ANGEL2: variants seen among roughly 807,000 people sequenced by gnomAD.
The protein encoded by ANGEL2 is RNA 2',3'-cyclic phosphatase ANGEL2.
A neutral mutation model predicts 66.0 loss-of-function variants in ANGEL2; 41 were observed. The observed-to-expected ratio is 0.62, with a 90% confidence interval of 0.48 to 0.81. The LOEUF (loss-of-function observed/expected upper bound fraction) is 0.81, where lower values mean the gene tolerates loss of function less well. Ranked by LOEUF, ANGEL2 falls within the 30% of genes least tolerant of loss-of-function variation. The pLI, the probability that ANGEL2 is intolerant of heterozygous loss-of-function variation, is 0.00. For missense variants in ANGEL2, 561 were observed against 641.6 expected, an observed-to-expected ratio of 0.87 and a Z score of 1.36; for synonymous variants, 208 against 226.5, an observed-to-expected ratio of 0.92 and a Z score of 0.73.
chr1:213,014,975 C>T (rs1558195995), intron 1 of ANGEL2, among the ~76,000 whole-genome samples: 1 of 152,244 alleles, frequency 6.6e-6, no homozygotes, highest in Non-Finnish European at 1.5e-5. Flanking sequence ...ATCCAAGACT[C>T]TGCAGACACT....
chr1:213,005,836 C>T (rs1162158425), intron 4 of ANGEL2, among the ~76,000 whole-genome samples: 1 of 152,188 alleles, frequency 6.6e-6, no homozygotes, highest in Non-Finnish European at 1.5e-5. Context: ...CTTGCCTTAA[C>T]ACACTCCAAC....
intron 5 of ANGEL2, chr1:213,001,169 C>T (rs2076168265): frequency 4.9e-6 from 2 of 407,722 alleles, no homozygotes; most frequent in South Asian, 5.3e-5. Flanking sequence ...AATCATCTAT[C>T]GCTTTGAACT....
At chr1:213,007,015 G>T (rs1359852343) in intron 4 of ANGEL2, 114 bp downstream of exon 4, 2 of 947,000 alleles carry the variant, frequency 2.1e-6, no homozygotes, top group Non-Finnish European at 3.2e-6. Flanking sequence ...GATTACTTGA[G>T]CCCAGTAGGT....
In ANGEL2 at chr1:212,994,698, A is replaced by G. The variant is rs2075950936; in HGVS notation, c.*343T>C. ...CAAAGATACTTTGGATCCACTACAG[A>G]GCTTGCCAAAATTATGAAATGAAAT... is the stretch of plus-strand genomic sequence containing the variant. On this transcript the variant is annotated 3_prime_UTR_variant, in exon 9 of 9. Transcript: ENST00000366962. The G allele has an allele frequency of 6.3e-6, 1 of 158,260 alleles. No individual in the cohort carries two copies. Among genetic ancestry groups the G allele is most frequent in the African/African-American group, 2.4e-5 (1 of 41,678 alleles). 9.8% of individuals were successfully genotyped at this position (158,260 alleles called of 1,614,324 possible).
At chr1:213,001,525 G>C (rs1378054875) in intron 5 of ANGEL2, 1 of 152,256 alleles carries the variant, frequency 6.6e-6, no homozygotes, top group Admixed American at 6.5e-5. Flanking sequence ...TGGCTGATCA[G>C]GGTGATGGTT....
intron 1 of ANGEL2, among the ~76,000 whole-genome samples, chr1:213,014,683 C>A (rs569430909): frequency 1.3e-5 from 2 of 152,122 alleles, no homozygotes; most frequent in Non-Finnish European, 1.5e-5. Flanking sequence ...AGAACAGAAC[C>A]GTCTTATTCA....
chr1:213,004,609 C>T (rs888413503), intron 5 of ANGEL2, among the ~76,000 whole-genome samples: 1 of 151,988 alleles, frequency 6.6e-6, no homozygotes, highest in Non-Finnish European at 1.5e-5. Context: ...GTGGCTCACG[C>T]CTGTAATCCC....
At position 213,000,767 on chromosome 1, in the gene ANGEL2, A is replaced by G. The variant is rs1436070020; in HGVS notation, c.1261+19T>C. On this transcript the variant is annotated intron_variant, in intron 6 of 8. Transcript: ENST00000366962. ...CATGATTACCCAGCAGACTGCCAAA[A>G]TGTATTACAAACACTTACCTGTCTT... 1.7e-5 allele frequency: 27 copies of G among 1,590,242 alleles called. No individual in the cohort carries two copies. Among genetic ancestry groups the G allele is most frequent in the Non-Finnish European group, 2.2e-5 (26 of 1,174,856 alleles).
chr1:213,012,143 TA>T lies in ANGEL2; in HGVS notation c.385+949del, dbSNP rs201281286. Among the ~76,000 whole-genome samples the T allele has an allele frequency of 6.5e-3, 983 of 152,344 alleles. 9 individuals are homozygous for T. The highest frequency in any genetic ancestry group is 0.022 in the African/African-American group (935 of 41,576). On this transcript the variant is annotated intron_variant, in intron 2 of 8. Transcript: ENST00000366962. ...TTGATTGGGACCCAGCTGAAGCCTG[TA>T]GACTACTTTCTGATAACAAAACCAG...
chr1:213,009,786 C>T (rs1013826473), intron 2 of ANGEL2, among the ~76,000 whole-genome samples: 8 of 152,246 alleles, frequency 5.3e-5, no homozygotes, highest in African/African-American at 1.9e-4. Context: ...CACAGTGCCT[C>T]ATGCCTGTAA....
chr1:213,015,573 C>G (rs1337193782), intron 1 of ANGEL2, 40 bp downstream of exon 1: 1 of 1,609,316 alleles, frequency 6.2e-7, no homozygotes, highest in Non-Finnish European at 8.5e-7. Flanking sequence ...TCAGGCCGCC[C>G]GCCCCTCTCT....
intron 2 of ANGEL2, among the ~76,000 whole-genome samples, chr1:213,008,943 T>C (rs932943824): frequency 7.9e-5 from 12 of 152,352 alleles, no homozygotes; most frequent in Middle Eastern, 3.4e-3. Flanking sequence ...AAGCAACCCT[T>C]AGTTCAGAAT....
intron 7 of ANGEL2, among the ~76,000 whole-genome samples, chr1:212,999,832 A>G (rs1027124789): frequency 6.6e-6 from 1 of 152,234 alleles, no homozygotes; most frequent in East Asian, 1.9e-4. Flanking sequence ...TTCAACTGGC[A>G]TATTCATTTT....
At chr1:213,001,786 T>A (rs1056449137) in intron 5 of ANGEL2, 4 of 152,410 alleles carry the variant, frequency 2.6e-5, no homozygotes, top group Non-Finnish European at 4.4e-5. Context: ...AGGAATAGAA[T>A]GCATCTCAAG....
intron 4 of ANGEL2, among the ~76,000 whole-genome samples, chr1:213,006,288 C>A (rs1342688085): frequency 6.6e-6 from 1 of 151,938 alleles, no homozygotes; most frequent in Non-Finnish European, 1.5e-5. Flanking sequence ...GGTGAAACCC[C>A]GTCTCTACTA....
At chr1:213,014,679 G>A (rs1008115263) in intron 1 of ANGEL2, among the ~76,000 whole-genome samples, 3 of 152,182 alleles carry the variant, frequency 2.0e-5, no homozygotes, top group Non-Finnish European at 2.9e-5. Flanking sequence ...GGCCAGAACA[G>A]AACCGTCTTA....
At chr1:213,008,950 G>A (rs891523679) in intron 2 of ANGEL2, among the ~76,000 whole-genome samples, 5 of 152,194 alleles carry the variant, frequency 3.3e-5, no homozygotes, top group Admixed American at 6.5e-5. Flanking sequence ...CCTTAGTTCA[G>A]AATTCTAGTT....
intron 5 of ANGEL2, among the ~76,000 whole-genome samples, chr1:213,002,440 A>G (rs1412658931): frequency 6.6e-6 from 1 of 152,152 alleles, no homozygotes; most frequent in Non-Finnish European, 1.5e-5. Flanking sequence ...ATTTAGCATA[A>G]TTTTTAAGTG....
intron 2 of ANGEL2, among the ~76,000 whole-genome samples, chr1:213,009,210 T>TA (rs773896603): frequency 2.5e-4 from 38 of 152,128 alleles, no homozygotes; most frequent in Non-Finnish European, 4.0e-4. Flanking sequence ...ATGAAAAGAA[T>TA]AAAAAAACAC....
Sources: allele counts gnomAD v4.1 joint callset (sites outside exome capture counted in the v4.1 genomes callset), GRCh38; gene constraint gnomAD v4.1.1; transcripts MANE v1.5; gene names NCBI Gene and HGNC (gene_info 2026-07-23, HGNC 2026-07-21).